SS18: variants seen among roughly 807,000 people sequenced by gnomAD.
SS18 encodes protein SSXT.
Under a neutral mutation model 72.5 loss-of-function variants are expected in SS18, and 28 were observed. The ratio of observed to expected loss-of-function variants is 0.39; its 90% CI spans 0.29 to 0.53. The LOEUF (loss-of-function observed/expected upper bound fraction) is 0.53. Among genes scored for constraint, SS18 ranks in the 20% least tolerant of loss-of-function variants. The probability of loss-of-function intolerance (pLI) is 0.76; values close to 1 mark genes in which losing one functional copy is unlikely to be tolerated. For synonymous variants in SS18, 172 were observed against 164.2 expected, an observed-to-expected ratio of 1.05 and a Z score of -0.37; for missense variants, 518 against 535.3, an observed-to-expected ratio of 0.97 and a Z score of 0.32.
At chr18:26,023,879 T>G (rs2143786366) in intron 10 of SS18, among the ~76,000 whole-genome samples, 1 of 152,128 alleles carries the variant, frequency 6.6e-6, no homozygotes, top group East Asian at 1.9e-4. Flanking sequence ...TTAACTGATT[T>G]TTTTAGACAA....
rs1187688554 is a variant in SS18, at chr18:26,018,270, A to T, written c.*84T>A. On this transcript the variant is annotated 3_prime_UTR_variant, in exon 11 of 11. Transcript: ENST00000415083. ...TCCAAAAACTAGATGGAATGGAAGG[A>T]TCTCTTCACAGGGAGGTGTCCACAG... is the stretch of plus-strand genomic sequence containing the variant. 1 of 1,174,946 alleles carries T rather than the reference A, an allele frequency of 8.5e-7. No homozygotes were observed. Among genetic ancestry groups the T allele is most frequent in the Non-Finnish European group, 1.2e-6 (1 of 808,460 alleles). The allele number at this position is 1,174,946 out of a possible 1,614,324, so 72.8% of individuals were successfully genotyped here. A position where few individuals can be genotyped will look rare whatever the true frequency, so the allele number is the denominator to read the frequency against.
chr18:26,066,122 G>T (rs956654415), intron 3 of SS18, among the ~76,000 whole-genome samples: 3 of 151,796 alleles, frequency 2.0e-5, no homozygotes, highest in South Asian at 4.2e-4. Context: ...TACTACGGCT[G>T]TAATTTCAAA....
intron 5 of SS18, among the ~76,000 whole-genome samples, chr18:26,047,817 TCA>T (rs66508338): frequency 0.24 from 37,129 of 151,972 alleles, 7,749 homozygotes; most frequent in African/African-American, 0.56. Flanking sequence ...CACTCCAGCC[TCA>T]GAGTGAGGCG....
At chr18:26,055,690 C>T (rs1190721017) in intron 4 of SS18, among the ~76,000 whole-genome samples, 1 of 151,160 alleles carries the variant, frequency 6.6e-6, no homozygotes, top group African/African-American at 2.4e-5. Context: ...AGTTACTGGC[C>T]TTCCAATTTC....
intron 3 of SS18, among the ~76,000 whole-genome samples, chr18:26,066,669 C>T (rs1019690338): frequency 7.3e-5 from 11 of 151,600 alleles, no homozygotes; most frequent in African/African-American, 2.7e-4. Flanking sequence ...AATCTCTTTA[C>T]CTATCTGGAC....
intron 3 of SS18, among the ~76,000 whole-genome samples, chr18:26,076,314 A>C (rs369789036): frequency 1.1e-4 from 17 of 151,972 alleles, no homozygotes; most frequent in East Asian, 7.7e-4. Context: ...AAGAGAGTGG[A>C]ATTCATAAAA....
intron 10 of SS18, among the ~76,000 whole-genome samples, chr18:26,029,805 C>T (rs2053513454): frequency 6.6e-6 from 1 of 152,090 alleles, no homozygotes; most frequent in South Asian, 2.1e-4. Context: ...AAGACGTGAA[C>T]GAACTATTTT....
intron 2 of SS18, among the ~76,000 whole-genome samples, chr18:26,083,436 T>G (rs1372694351): frequency 6.6e-6 from 1 of 152,178 alleles, no homozygotes; most frequent in Non-Finnish European, 1.5e-5. Flanking sequence ...GATAAATGTG[T>G]TGTTAGGTGA....
intron 3 of SS18, among the ~76,000 whole-genome samples, chr18:26,071,762 A>G (rs1468284282): frequency 6.6e-6 from 1 of 152,156 alleles, no homozygotes; most frequent in Non-Finnish European, 1.5e-5. Flanking sequence ...CAAAAGTTCG[A>G]AGCTGCAGTG....
chr18:26,078,809 C>T (rs1407595484), intron 2 of SS18, among the ~76,000 whole-genome samples: 1 of 152,198 alleles, frequency 6.6e-6, no homozygotes, highest in Admixed American at 6.5e-5. Context: ...ACTGCCTGAA[C>T]CCAGGAGGCA....
chr18:26,033,886 C>T (rs1387569481), intron 9 of SS18, among the ~76,000 whole-genome samples: 1 of 152,086 alleles, frequency 6.6e-6, no homozygotes, highest in African/African-American at 2.4e-5. Flanking sequence ...CCTGATTTAG[C>T]TGCATTACAT....
At chr18:26,018,510 T>C (rs2053288152) in intron 10 of SS18, 130 bp from the exon 11 acceptor site, 7 of 601,586 alleles carry the variant, frequency 1.2e-5, no homozygotes, top group South Asian at 9.3e-5. Flanking sequence ...AACAAAATTT[T>C]TTTATATCGT....
intron 10 of SS18, among the ~76,000 whole-genome samples, chr18:26,026,124 G>A (rs928092862): frequency 2.0e-5 from 3 of 152,074 alleles, no homozygotes; most frequent in Admixed American, 6.5e-5. Context: ...GTTATGTCAG[G>A]ACACAACTGA....
At chr18:26,091,022 G>A (rs1304659103), upstream of SS18, 1 of 203,460 alleles carries the variant, frequency 4.9e-6, no homozygotes, top group African/African-American at 2.4e-5. Flanking sequence ...CCGGCCCTCT[G>A]AAGCGTCTCC....
intron 5 of SS18, among the ~76,000 whole-genome samples, chr18:26,040,290 T>C (rs760348604): frequency 5.3e-5 from 8 of 152,160 alleles, no homozygotes; most frequent in Non-Finnish European, 1.0e-4. Flanking sequence ...CAATAAACAA[T>C]GGCCATAAAG....
intron 2 of SS18, among the ~76,000 whole-genome samples, chr18:26,082,797 T>C (rs545683744): frequency 1.3e-5 from 2 of 152,208 alleles, no homozygotes; most frequent in Non-Finnish European, 2.9e-5. Context: ...AGTAAGAATA[T>C]GGTATTCATT....
chr18:26,090,206 C>A (rs1169674939), intron 1 of SS18: 2 of 447,616 alleles, frequency 4.5e-6, no homozygotes, highest in South Asian at 3.0e-5. Context: ...GCCGGGCGCA[C>A]GCGCCCCGCA....
At chr18:26,067,668 T>C (rs2054243427) in intron 3 of SS18, among the ~76,000 whole-genome samples, 1 of 152,082 alleles carries the variant, frequency 6.6e-6, no homozygotes, top group Non-Finnish European at 1.5e-5. Flanking sequence ...TGTTCAAGAA[T>C]GGAGTAGCAG....
intron 3 of SS18, among the ~76,000 whole-genome samples, chr18:26,071,724 A>T (rs8097235): frequency 0.02 from 3,024 of 152,228 alleles, 89 homozygotes; most frequent in African/African-American, 0.069. Context: ...GCTTCTCAGG[A>T]GGCTATGGCA....
Sources: gnomAD v4.1 joint callset for allele counts (sites outside exome capture counted in the v4.1 genomes callset) on GRCh38, gnomAD v4.1.1 for gene constraint, MANE v1.5 for transcripts, NCBI Gene and HGNC (gene_info 2026-07-23, HGNC 2026-07-21) for gene names.